GALNT11: variants seen among roughly 807,000 people sequenced by gnomAD.
GALNT11 encodes polypeptide N-acetylgalactosaminyltransferase 11, also known as UDP-GalNAc:polypeptide N-acetylgalactosaminyltransferase 11.
A neutral mutation model predicts 72.7 loss-of-function variants in GALNT11; 47 were observed. The ratio of observed to expected loss-of-function variants is 0.65; its 90% CI spans 0.51 to 0.82. The LOEUF is 0.82. Ranked by LOEUF, GALNT11 falls within the 40% of genes least tolerant of loss-of-function variation. GALNT11 has a pLI of 0.00. For missense variants in GALNT11, 677 were observed against 778.4 expected (o/e 0.87, Z 1.55); for synonymous variants, 270 against 286.6 (o/e 0.94, Z 0.58).
intron 10 of GALNT11, chr7:152,119,774 G>A (rs2089253385): frequency 1.3e-5 from 2 of 152,284 alleles, no homozygotes; most frequent in African/African-American, 4.8e-5. Context: ...TACTCAGGAG[G>A]CTGAGGCAGG....
chr7:152,085,873 A>T (rs1587255757), intron 1 of GALNT11, among the ~76,000 whole-genome samples: 3 of 149,352 alleles, frequency 2.0e-5, no homozygotes, highest in Admixed American at 1.3e-4. Flanking sequence ...GTGCCACCAC[A>T]CCTGGCTAGT....
intron 1 of GALNT11, among the ~76,000 whole-genome samples, chr7:152,049,727 T>C (rs953840482): frequency 5.3e-5 from 8 of 152,150 alleles, no homozygotes; most frequent in Admixed American, 2.0e-4. Flanking sequence ...CAAGCTCCCC[T>C]CAGTCTTAGG....
Position 152,044,504 on chromosome 7 carries a change from C to G in GALNT11, c.-39+18620C>G, listed in dbSNP as rs535490409. Among the ~76,000 whole-genome samples, 12 of 152,268 alleles carry G rather than the reference C, an allele frequency of 7.9e-5. No individual in the cohort carries two copies. In the South Asian group the frequency reaches 2.5e-3, roughly 32 times the overall value. Reference sequence around the variant, plus strand: ...TTATGACTAGATTTGGGGGCCTGTTCCGAACAGTTCACTTGGTTAATTCCT... The same window carrying G: ...TTATGACTAGATTTGGGGGCCTGTTGCGAACAGTTCACTTGGTTAATTCCT... On this transcript the variant is annotated intron_variant, in intron 1 of 11. Coordinates refer to ENST00000430044, the MANE Select transcript of GALNT11 (RefSeq NM_022087.4).
chr7:152,067,048 C>G (rs895777776), intron 1 of GALNT11, among the ~76,000 whole-genome samples: 46 of 152,172 alleles, frequency 3.0e-4, no homozygotes, highest in Admixed American at 6.5e-4. Flanking sequence ...ACCACAACGT[C>G]AACGAAGCAC....
At chr7:152,099,537 T>G (rs979595606) in intron 2 of GALNT11, among the ~76,000 whole-genome samples, 5 of 127,250 alleles carry the variant, frequency 3.9e-5, no homozygotes, top group East Asian at 2.2e-4. Context: ...CTAGTTTTTT[T>G]TTTTTTTTTT....
intron 5 of GALNT11, 51 bp from the exon 6 acceptor site, chr7:152,107,987 C>T: frequency 6.4e-7 from 1 of 1,564,992 alleles, no homozygotes; most frequent in Non-Finnish European, 8.7e-7. Flanking sequence ...GTGGTTGTAC[C>T]TAAATTGAGT....
At position 152,117,352 on chromosome 7, in the gene GALNT11, C is replaced by T. The variant is rs151155836; in HGVS notation, c.1429C>T (p.Pro477Ser). ...PIFVNRGPKR[P>S]KVLQRGRLYH... ...TTTTGTCAATAGAGGGCCAAAACGA[C>T]CCAAAGTCCTTCAACGTGGAAGGGT... Residue 477 changes from proline (P) to serine (S), a missense_variant, in exon 9 of 12, where the codon CCC becomes TCC. Pro to Ser is a moderately conservative substitution (Grantham distance 74, BLOSUM62 -1). Transcript: ENST00000430044. 3.4e-5 allele frequency: 55 copies of T among 1,614,114 alleles called. No homozygotes were observed. The African/African-American group carries it at 6.0e-4, about 18-fold the overall frequency.
rs1281631040 is a variant in GALNT11, at chr7:152,094,135, G to T, written c.-38-55G>T. On this transcript the variant is annotated intron_variant, in intron 1 of 11. Coordinates refer to ENST00000430044, the MANE Select transcript of GALNT11 (RefSeq NM_022087.4). This position sits in a 1 kb window ranked among gnomAD's most constrained non-coding sequence, Gnocchi z 4.3. Reference sequence around the variant, plus strand: ...TTTGGAAAACAGTGATTCTGTATTTGGTGGATGGTTTAAAGTATACTGAAG... The same window carrying T: ...TTTGGAAAACAGTGATTCTGTATTTTGTGGATGGTTTAAAGTATACTGAAG... 2.9e-6 allele frequency: 4 copies of T among 1,383,282 alleles called. No homozygotes were observed. Among genetic ancestry groups the T allele is most frequent in the Non-Finnish European group, 3.0e-6 (3 of 1,015,304 alleles). The allele number at this position is 1,383,282 out of a possible 1,614,324, so 85.7% of individuals were successfully genotyped here.
chr7:152,065,475 A>G (rs533217471), intron 1 of GALNT11, among the ~76,000 whole-genome samples: 16 of 152,218 alleles, frequency 1.1e-4, no homozygotes, highest in African/African-American at 3.4e-4. Context: ...GCTTTGTTCT[A>G]TTGCTGGTGA....
intron 1 of GALNT11, among the ~76,000 whole-genome samples, chr7:152,045,929 GC>G (rs2083097666): frequency 6.6e-6 from 1 of 151,844 alleles, no homozygotes; most frequent in Non-Finnish European, 1.5e-5. Context: ...GGTGCTTATT[GC>G]TATAAACTTT....
intron 3 of GALNT11, among the ~76,000 whole-genome samples, chr7:152,102,289 A>T (rs1016990873): frequency 6.6e-6 from 1 of 152,152 alleles, no homozygotes; most frequent in Non-Finnish European, 1.5e-5. Context: ...CACACCTGTA[A>T]TCCCAGCACT....
intron 1 of GALNT11, among the ~76,000 whole-genome samples, chr7:152,060,704 A>C (rs993095974): frequency 5.4e-5 from 8 of 149,474 alleles, no homozygotes; most frequent in Admixed American, 2.0e-4. Flanking sequence ...ATTCCCACCT[A>C]TGAGTGAGAA....
chr7:152,056,112 ATTT>A (rs1273909967), intron 1 of GALNT11, among the ~76,000 whole-genome samples: 1 of 152,134 alleles, frequency 6.6e-6, no homozygotes. Context: ...TTAGGATTAG[ATTT>A]TTTCAGTCAG....
At chr7:152,048,831 CT>C (rs2083266328) in intron 1 of GALNT11, among the ~76,000 whole-genome samples, 1 of 151,514 alleles carries the variant, frequency 6.6e-6, no homozygotes. Flanking sequence ...TCTTTTGTCT[CT>C]TCTGACTCTG....
intron 1 of GALNT11, among the ~76,000 whole-genome samples, chr7:152,092,201 A>C (rs2086084573): frequency 6.6e-6 from 1 of 152,172 alleles, no homozygotes; most frequent in Non-Finnish European, 1.5e-5. Flanking sequence ...CCCTAAGCGA[A>C]CATTTTAGGG....
At chr7:152,028,327 C>A (rs76450711) in intron 1 of GALNT11, among the ~76,000 whole-genome samples, 1 of 152,106 alleles carries the variant, frequency 6.6e-6, no homozygotes, top group African/African-American at 2.4e-5. Flanking sequence ...TTACAGAGTG[C>A]TAATTGGTCG....
intron 6 of GALNT11, among the ~76,000 whole-genome samples, chr7:152,110,298 C>CGAGACTTAGAAAA (rs2088043248): frequency 6.6e-6 from 1 of 152,082 alleles, no homozygotes; most frequent in South Asian, 2.1e-4. Context: ...AAAGAACTTT[C>CGAGACTTAGAAAA]GAGACTTAGA....
chr7:152,094,351 G>A lies in GALNT11; in HGVS notation c.124G>A (p.Val42Ile), dbSNP rs148858219. 2.2e-4 allele frequency: 358 copies of A among 1,614,102 alleles called. No homozygotes were observed. The highest frequency in any genetic ancestry group is 4.9e-4 in the Middle Eastern group (3 of 6,062). ...EVTQPLKNVP[V>I]KGSGPHGPSP... ...GACTCAGCCACTTAAGAATGTGCCC[G>A]TCAAGGGGTCTGGGCCCCACGGACC... The change falls in exon 2 of 12, where the codon GTC becomes ATC. Residue 42 changes from valine to isoleucine, a missense_variant. Transcript: ENST00000430044. This position sits in a 1 kb window ranked among gnomAD's most constrained non-coding sequence, Gnocchi z 4.3.
intron 1 of GALNT11, among the ~76,000 whole-genome samples, chr7:152,060,061 G>C (rs1053115494): frequency 2.6e-5 from 4 of 151,504 alleles, no homozygotes; most frequent in African/African-American, 9.7e-5. Flanking sequence ...TGGATAACTT[G>C]CTGCAGCTTC....
Sources: allele counts gnomAD v4.1 joint callset (sites outside exome capture counted in the v4.1 genomes callset), GRCh38; gene constraint gnomAD v4.1.1; non-coding constraint Gnocchi (gnomAD v3.1); transcripts MANE v1.5; gene names NCBI Gene and HGNC (gene_info 2026-07-23, HGNC 2026-07-21).